FAM135B: variants seen among roughly 807,000 people sequenced by gnomAD.
FAM135B encodes the protein protein FAM135B.
A neutral mutation model predicts 127.7 loss-of-function variants in FAM135B; 43 were observed. That is an observed-to-expected ratio of 0.34 (90% CI 0.26 to 0.43). The LOEUF (loss-of-function observed/expected upper bound fraction) is 0.43. Among genes scored for constraint, FAM135B ranks in the 20% least tolerant of loss-of-function variants. The probability of loss-of-function intolerance (pLI) is 1.00; values close to 1 mark genes in which losing one functional copy is unlikely to be tolerated. For synonymous variants in FAM135B, 670 were observed against 665.1 expected, an observed-to-expected ratio of 1.01 and a Z score of -0.11; for missense variants, 1,558 against 1,725.6, an observed-to-expected ratio of 0.90 and a Z score of 1.72.
intron 12 of FAM135B, among the ~76,000 whole-genome samples, chr8:138,159,278 CAA>C (rs1441016128): frequency 3.2e-5 from 1 of 31,636 alleles, no homozygotes; most frequent in African/African-American, 1.1e-4. Context: ...GACTCCGTCT[CAA>C]AAAAAAAAAA....
chr8:138,395,077 T>C (rs930550708), intron 1 of FAM135B, among the ~76,000 whole-genome samples: 2 of 152,224 alleles, frequency 1.3e-5, no homozygotes, highest in African/African-American at 4.8e-5. Context: ...CAGTGGGTCA[T>C]TGCCAATGCA....
At chr8:138,301,568 T>C (rs1462011851) in intron 3 of FAM135B, among the ~76,000 whole-genome samples, 1 of 152,158 alleles carries the variant, frequency 6.6e-6, no homozygotes, top group Non-Finnish European at 1.5e-5. Flanking sequence ...CAGATGTGGC[T>C]TTTCATCCAC....
chr8:138,206,604 G>GCATCCCCTCCCCCTACACACAGTTCTAT (rs1563769457), intron 7 of FAM135B, among the ~76,000 whole-genome samples: 7 of 67,678 alleles, frequency 1.0e-4, no homozygotes, highest in Non-Finnish European at 1.8e-4. Flanking sequence ...CACAACTCCA[G>GCATCCCCTCCCCCTACACACAGTTCTAT]CATCCCCTCC....
chr8:138,216,968 G>A (rs1818595542), intron 7 of FAM135B, among the ~76,000 whole-genome samples: 1 of 152,124 alleles, frequency 6.6e-6, no homozygotes, highest in Non-Finnish European at 1.5e-5. Flanking sequence ...ATGGTTATGC[G>A]ACTTTGGTCA....
chr8:138,219,760 G>A (rs1228686554), intron 7 of FAM135B, among the ~76,000 whole-genome samples: 3 of 151,980 alleles, frequency 2.0e-5, no homozygotes, highest in African/African-American at 7.3e-5. Context: ...GCATTAGCAC[G>A]GATCAGGTTC....
chr8:138,184,716 C>A (rs1374239087), intron 9 of FAM135B, among the ~76,000 whole-genome samples: 1 of 152,160 alleles, frequency 6.6e-6, no homozygotes, highest in Non-Finnish European at 1.5e-5. Flanking sequence ...GACCAGGAGA[C>A]AGCTATGTGC....
chr8:138,187,286 A>C (rs866156358), intron 9 of FAM135B, among the ~76,000 whole-genome samples: 1 of 152,328 alleles, frequency 6.6e-6, no homozygotes, highest in African/African-American at 2.4e-5. Flanking sequence ...TTAAGTGGGA[A>C]AAATTCGTAT....
chr8:138,130,716 A>G lies in FAM135B; in HGVS notation c.*1877T>C, dbSNP rs1018696191. 1.3e-5 allele frequency: 2 copies of G among 152,252 alleles called. No homozygotes were observed. Among genetic ancestry groups the G allele is most frequent in the Non-Finnish European group, 2.9e-5 (2 of 68,060 alleles). The allele number at this position is 152,252 out of a possible 1,614,324, so 9.4% of individuals were successfully genotyped here. A position where few individuals can be genotyped will look rare whatever the true frequency, so the allele number is the denominator to read the frequency against. Reference sequence around the variant, plus strand: ...TGGGCACTTGCCTAGGTCAGGAAACACAATACCATGTGCTGCACGACTAGG... The same window carrying G: ...TGGGCACTTGCCTAGGTCAGGAAACGCAATACCATGTGCTGCACGACTAGG... On this transcript the variant is annotated 3_prime_UTR_variant, in exon 20 of 20. Coordinates refer to ENST00000395297, the MANE Select transcript of FAM135B (RefSeq NM_015912.4).
At chr8:138,445,305 A>G (rs1836065627) in intron 1 of FAM135B, among the ~76,000 whole-genome samples, 1 of 152,232 alleles carries the variant, frequency 6.6e-6, no homozygotes, top group African/African-American at 2.4e-5. Context: ...TCATTTTATG[A>G]GGCCAGCATC....
At chr8:138,177,588 T>A (rs554343645) in intron 10 of FAM135B, among the ~76,000 whole-genome samples, 168 bp from the exon 11 acceptor site, 1 of 152,288 alleles carries the variant, frequency 6.6e-6, no homozygotes, top group South Asian at 2.1e-4. Context: ...TCCTCCAAAC[T>A]GATCTCTCTC....
At chr8:138,455,043 T>G (rs77001998) in intron 1 of FAM135B, among the ~76,000 whole-genome samples, 1,561 of 152,352 alleles carry the variant, frequency 0.01, 31 homozygotes, top group African/African-American at 0.036. Flanking sequence ...GAAAGATGTA[T>G]TCAAGCCATT....
At chr8:138,217,982 CT>C in intron 7 of FAM135B, among the ~76,000 whole-genome samples, 1 of 152,312 alleles carries the variant, frequency 6.6e-6, no homozygotes, top group East Asian at 1.9e-4. Flanking sequence ...AAAATTACCT[CT>C]GTCTTCCAAA....
intron 15 of FAM135B, chr8:138,144,518 CA>C (rs34496941): frequency 0.69 from 105,107 of 151,962 alleles, 36,397 homozygotes; most frequent in East Asian, 0.76. Context: ...TCAACATATA[CA>C]TTATTTAAAC....
At chr8:138,299,582 C>A (rs908673307) in intron 3 of FAM135B, among the ~76,000 whole-genome samples, 7 of 149,334 alleles carry the variant, frequency 4.7e-5, no homozygotes, top group Non-Finnish European at 7.4e-5. Context: ...TACACATACA[C>A]ACATACACAC....
At chr8:138,489,859 T>C (rs1050601850) in intron 1 of FAM135B, among the ~76,000 whole-genome samples, 1 of 152,160 alleles carries the variant, frequency 6.6e-6, no homozygotes, top group African/African-American at 2.4e-5. Flanking sequence ...CTACTTTCCA[T>C]TCATGTCTCA....
intron 1 of FAM135B, among the ~76,000 whole-genome samples, chr8:138,414,497 A>C (rs1014409606): frequency 6.6e-6 from 1 of 152,208 alleles, no homozygotes; most frequent in Non-Finnish European, 1.5e-5. Flanking sequence ...TTAGAATTGC[A>C]GACATAAGAA....
chr8:138,388,554 T>TCAG (rs1458450460), intron 1 of FAM135B, among the ~76,000 whole-genome samples: 1 of 152,180 alleles, frequency 6.6e-6, no homozygotes, highest in Non-Finnish European at 1.5e-5. Flanking sequence ...GGAGTATTAT[T>TCAG]CAGCAGTAAG....
chr8:138,169,452 A>G (rs1026336825), intron 11 of FAM135B, among the ~76,000 whole-genome samples: 3 of 151,980 alleles, frequency 2.0e-5, no homozygotes, highest in African/African-American at 7.3e-5. Flanking sequence ...TTCTCTGAAT[A>G]TTTAACTCTT....
chr8:138,471,190 A>T (rs1410576830), intron 1 of FAM135B, among the ~76,000 whole-genome samples: 1 of 149,384 alleles, frequency 6.7e-6, no homozygotes, highest in Non-Finnish European at 1.5e-5. Context: ...GTGGCTGGCA[A>T]CACATTATCA....
Sources: gnomAD v4.1 joint callset for allele counts (sites outside exome capture counted in the v4.1 genomes callset) on GRCh38, gnomAD v4.1.1 for gene constraint, MANE v1.5 for transcripts, NCBI Gene and HGNC (gene_info 2026-07-23, HGNC 2026-07-21) for gene names.